The following RNF144A variants were observed in gnomAD, a reference collection of about 807,000 sequenced individuals.
RNF144A encodes ring finger protein 144A, also known as E3 ubiquitin-protein ligase RNF144A.
Under a neutral mutation model 38.7 loss-of-function variants are expected in RNF144A, and 11 were observed. The observed-to-expected ratio is 0.28, with a 90% CI of 0.18 to 0.47. The LOEUF (loss-of-function observed/expected upper bound fraction) is 0.47, where lower values mean the gene tolerates loss of function less well. RNF144A is among the 20% of genes least tolerant of loss of function. RNF144A has a pLI of 0.99. For synonymous variants in RNF144A, 149 were observed against 143.9 expected, an observed-to-expected ratio of 1.04 and a Z score of -0.25; for missense variants, 316 against 377.2, an observed-to-expected ratio of 0.84 and a Z score of 1.34.
rs1342293918 is a variant in RNF144A at position 7,040,737 on chromosome 2, C to T, written c.*977C>T. The T allele has an allele frequency of 1.0e-6, 1 of 985,460 alleles. No individual in the cohort carries two copies. The highest frequency in any genetic ancestry group is 1.2e-6 in the Non-Finnish European group (1 of 829,936). 61.0% of individuals were successfully genotyped at this position (985,460 alleles called of 1,614,324 possible). On this transcript the variant is annotated 3_prime_UTR_variant, in exon 9 of 9. Coordinates refer to ENST00000320892, the MANE Select transcript of RNF144A (RefSeq NM_014746.6). The stretch of plus-strand genomic sequence containing the variant: ...CTCATTGATCCGCAGATGTAGGGGC[C>T]TCTTGGCAGAGGCTGGAGGACTCTG...
chr2:7,008,843 G>C (rs1670617106), intron 3 of RNF144A, among the ~76,000 whole-genome samples: 1 of 152,204 alleles, frequency 6.6e-6, no homozygotes. Flanking sequence ...TCCACCCCAG[G>C]TCCCTGCATG....
At chr2:7,008,030 A>G (rs1314843695) in intron 3 of RNF144A, among the ~76,000 whole-genome samples, 6 of 152,208 alleles carry the variant, frequency 3.9e-5, no homozygotes, top group African/African-American at 2.4e-5. Context: ...AGTGGAAAGC[A>G]CAGTCTCCAC....
At chr2:6,974,938 G>C (rs1295381763) in intron 2 of RNF144A, among the ~76,000 whole-genome samples, 1 of 152,178 alleles carries the variant, frequency 6.6e-6, no homozygotes, top group Admixed American at 6.5e-5. Flanking sequence ...TATAGAATGA[G>C]TAGGCATGAT....
chr2:6,931,959 A>G (rs909386208), intron 1 of RNF144A, among the ~76,000 whole-genome samples: 3 of 152,160 alleles, frequency 2.0e-5, no homozygotes, highest in East Asian at 1.9e-4. Context: ...CAGTTCAACT[A>G]TGTTCTTATT....
At chr2:6,928,420 G>A (rs1034291889) in intron 1 of RNF144A, among the ~76,000 whole-genome samples, 9 of 152,256 alleles carry the variant, frequency 5.9e-5, no homozygotes, top group East Asian at 3.9e-4. Context: ...AGATGGCACC[G>A]AATGGATCTT....
intron 2 of RNF144A, among the ~76,000 whole-genome samples, chr2:6,983,759 A>C (rs1668786467): frequency 6.6e-6 from 1 of 152,104 alleles, no homozygotes; most frequent in Admixed American, 6.5e-5. Flanking sequence ...CGGTGTTCCC[A>C]CAGCCATGCA....
intron 2 of RNF144A, among the ~76,000 whole-genome samples, chr2:6,946,987 T>G (rs1159650901): frequency 6.6e-6 from 1 of 152,168 alleles, no homozygotes; most frequent in Non-Finnish European, 1.5e-5. Context: ...CTTTTATTAC[T>G]ATGTGATTTT....
downstream of RNF144A, among the ~76,000 whole-genome samples, chr2:7,045,183 G>A (rs759268491): frequency 1.3e-5 from 2 of 152,222 alleles, no homozygotes; most frequent in Non-Finnish European, 2.9e-5. Context: ...CTGGCGTGTC[G>A]GGGTTGGAGA....
Position 7,020,681 on chromosome 2 carries a change from G to A in RNF144A, c.509+1G>A, listed in dbSNP as rs1671467403. ...TCACCTTCCTCCCCGGGGAGACCAG[G>A]TACCCTTTGTACACAAGCTGCCACC... On this transcript the variant is annotated splice_donor_variant, in intron 6 of 8. Coordinates refer to ENST00000320892, the MANE Select transcript of RNF144A (RefSeq NM_014746.6). LOFTEE classifies it high-confidence loss of function. The A allele has an allele frequency of 6.2e-7, 1 of 1,600,048 alleles. No individual in the cohort carries two copies.
intron 5 of RNF144A, among the ~76,000 whole-genome samples, chr2:7,018,731 A>G (rs1027541845): frequency 3.3e-5 from 5 of 152,260 alleles, no homozygotes; most frequent in Admixed American, 3.3e-4. Flanking sequence ...TTCATTCAGT[A>G]TGAGGAGCAT....
chr2:7,057,232 C>T (rs1433167710), intron 6 of RNF144A, among the ~76,000 whole-genome samples: 1 of 152,192 alleles, frequency 6.6e-6, no homozygotes, highest in Non-Finnish European at 1.5e-5. Context: ...TACAATAGAT[C>T]CTAAGTTATT....
chr2:7,044,263 T>G, downstream of RNF144A: 1 of 857,146 alleles, frequency 1.2e-6, no homozygotes, highest in Non-Finnish European at 1.4e-6. Flanking sequence ...TCTTCAATAT[T>G]TAATCTATTG....
chr2:7,024,334 G>A lies in RNF144A; in HGVS notation c.510-35G>A, dbSNP rs112892255. 2,773 of 1,565,210 alleles carry A rather than the reference G, an allele frequency of 1.8e-3. 41 individuals carry two copies. In the African/African-American group the frequency reaches 0.032, roughly 18 times the overall value. On this transcript the variant is annotated intron_variant, in intron 6 of 8. Transcript: ENST00000320892. ...TGCTCCTGGGTCTCCCGTGGGATCC[G>A]TTTGTGCAGAGTCCTCACGGCGTTT...
chr2:6,940,894 T>G lies in RNF144A; in HGVS notation c.-211-54T>G, dbSNP rs922303972. On this transcript the variant is annotated intron_variant, in intron 1 of 8. Coordinates refer to ENST00000320892, the MANE Select transcript of RNF144A (RefSeq NM_014746.6). ...GGGCTTGAAGAAAGGCTTTGTGCCC[T>G]GCTCCTCTCCTCCCTGCTCCTCTAA... 54 of 152,538 alleles carry G rather than the reference T, an allele frequency of 3.5e-4. 1 individual carries two copies. Among genetic ancestry groups the G allele is most frequent in the Middle Eastern group, 3.4e-3 (1 of 296 alleles). The allele number at this position is 152,538 out of a possible 1,614,324, so 9.4% of individuals were successfully genotyped here.
intron 2 of RNF144A, among the ~76,000 whole-genome samples, chr2:6,946,734 AT>A (rs1224419576): frequency 4.6e-5 from 7 of 152,256 alleles, no homozygotes; most frequent in Admixed American, 1.3e-4. Flanking sequence ...ACGTATTAAG[AT>A]TTTTTTCAAG....
In RNF144A at chr2:6,985,268, C is replaced by CTTTT. The variant is rs1558405817; in HGVS notation, c.-11-11647_-11-11646insTTTT. Among the ~76,000 whole-genome samples, 4 of 128,614 alleles carry CTTTT rather than the reference C, an allele frequency of 3.1e-5. 1 individual carries two copies. The highest frequency in any genetic ancestry group is 1.6e-5 in the Non-Finnish European group (1 of 61,782). 84.4% of individuals were successfully genotyped at this position (128,614 alleles called of 152,430 possible). ...ATGTTTTAATTCATCTCCCTCCCCC[C>CTTTT]TCTTTTTTTTTTTTTTTTTTTTTTT... is the stretch of plus-strand genomic sequence containing the variant. On this transcript the variant is annotated intron_variant, in intron 2 of 8. Transcript: ENST00000320892.
chr2:7,044,021 T>C lies in RNF144A; in HGVS notation c.*4261T>C, dbSNP rs1177364002. 8.4e-5 allele frequency: 83 copies of C among 985,768 alleles called. No homozygotes were observed. The highest frequency in any genetic ancestry group is 1.0e-4 in the Non-Finnish European group (83 of 829,936). The allele number at this position is 985,768 out of a possible 1,614,324, so 61.1% of individuals were successfully genotyped here. A position where few individuals can be genotyped will look rare whatever the true frequency, so the allele number is the denominator to read the frequency against. On this transcript the variant is annotated 3_prime_UTR_variant, in exon 9 of 9. Coordinates refer to ENST00000320892, the MANE Select transcript of RNF144A (RefSeq NM_014746.6). ...ATAAAAGAGCTGTTTGAATGCCTTT[T>C]AATGTTGTGTTTTGTACTCTGGAAT... is the stretch of plus-strand genomic sequence containing the variant.
chr2:6,999,923 C>T (rs1447279929), intron 3 of RNF144A, among the ~76,000 whole-genome samples: 1 of 152,234 alleles, frequency 6.6e-6, no homozygotes, highest in South Asian at 2.1e-4. Flanking sequence ...CCACATCCCC[C>T]ACTACCAAGG....
intron 2 of RNF144A, among the ~76,000 whole-genome samples, chr2:6,976,676 A>T (rs1465957720): frequency 6.7e-6 from 1 of 149,676 alleles, no homozygotes; most frequent in Non-Finnish European, 1.5e-5. Flanking sequence ...TATAAACTTT[A>T]TATATAATAT....
Sources: gnomAD v4.1 joint callset for allele counts (sites outside exome capture counted in the v4.1 genomes callset) on GRCh38, gnomAD v4.1.1 for gene constraint, MANE v1.5 for transcripts, NCBI Gene and HGNC (gene_info 2026-07-23, HGNC 2026-07-21) for gene names.